The following FOXP2 variants were observed in gnomAD, a reference collection of about 807,000 sequenced individuals.
FOXP2 encodes the protein forkhead box protein P2.
FOXP2 carries 12 observed loss-of-function variants against 115.8 expected under a neutral mutation model. The ratio of observed to expected loss-of-function variants is 0.10; its 90% CI spans 0.07 to 0.17. The LOEUF is 0.17. FOXP2 is among the 10% of genes least tolerant of loss of function. The probability of loss-of-function intolerance (pLI) is 1.00; values close to 1 mark genes in which losing one functional copy is unlikely to be tolerated. For synonymous variants in FOXP2, 328 were observed against 297.7 expected (o/e 1.10, Z -1.05); for missense variants, 629 against 843.5 (o/e 0.75, Z 3.15).
chr7:114,232,813 C>CAAA (rs35497556), intron 1 of FOXP2, among the ~76,000 whole-genome samples: 1 of 120,086 alleles, frequency 8.3e-6, no homozygotes, highest in Non-Finnish European at 1.8e-5. Context: ...AACTCCGTCT[C>CAAA]AAAAAAAAAA....
At chr7:114,176,294 TTCTTTCTC>T (rs1368415470) in intron 1 of FOXP2, among the ~76,000 whole-genome samples, 565 of 49,408 alleles carry the variant, frequency 0.011, 5 homozygotes, top group Admixed American at 0.018. Context: ...CTTTCTTTCT[TTCTTTCTC>T]TCTCTCTCTC....
At chr7:114,179,467 T>A (rs1377728593) in intron 1 of FOXP2, among the ~76,000 whole-genome samples, 2 of 152,004 alleles carry the variant, frequency 1.3e-5, no homozygotes, top group African/African-American at 4.8e-5. Flanking sequence ...TACTCCTACA[T>A]GCCTTGTTCA....
intron 1 of FOXP2, among the ~76,000 whole-genome samples, chr7:114,285,018 G>A (rs78386362): frequency 0.016 from 2,456 of 152,094 alleles, 32 homozygotes; most frequent in African/African-American, 0.03. Context: ...CAGATACTGC[G>A]GCCTACCAAA....
intron 16 of FOXP2, among the ~76,000 whole-genome samples, chr7:114,683,104 A>G (rs997589208): frequency 4.6e-5 from 7 of 152,216 alleles, no homozygotes; most frequent in African/African-American, 1.7e-4. Flanking sequence ...CAGCTTTTCC[A>G]GCTCTGATAT....
intron 2 of FOXP2, among the ~76,000 whole-genome samples, chr7:114,403,070 C>G (rs1356462574): frequency 6.6e-6 from 1 of 152,182 alleles, no homozygotes; most frequent in Non-Finnish European, 1.5e-5. Context: ...TTTCAAAATT[C>G]AGAATTCCTT....
In FOXP2 at chr7:114,521,658, C is replaced by T. The variant is rs187387610; in HGVS notation, c.169-12959C>T. On this transcript the variant is annotated intron_variant, in intron 2 of 16. Coordinates refer to ENST00000350908, the MANE Select transcript of FOXP2 (RefSeq NM_014491.4). ...AGACAGTGAGATAACACTTTTGTGACAACCAATAGTAATTTTTTGGATCTT... is the reference window on the plus strand; with the variant it reads ...AGACAGTGAGATAACACTTTTGTGATAACCAATAGTAATTTTTTGGATCTT... 4.6e-5 allele frequency among the ~76,000 whole-genome samples: 7 copies of T among 151,246 alleles called. No individual in the cohort carries two copies. The East Asian group carries it at 9.8e-4, about 21-fold the overall frequency.
At chr7:114,392,388 GAACAGTC>G (rs1455227868) in intron 2 of FOXP2, among the ~76,000 whole-genome samples, 1 of 152,160 alleles carries the variant, frequency 6.6e-6, no homozygotes, top group East Asian at 1.9e-4. Flanking sequence ...GTGTTGCCAA[GAACAGTC>G]GTTCATTCCT....
In FOXP2 at chr7:114,285,554, T is replaced by A. The variant is rs527514240; in HGVS notation, c.-101-2465T>A. On this transcript the variant is annotated intron_variant, in intron 1 of 17. Coordinates refer to the FOXP2 transcript ENST00000634411. The stretch of plus-strand genomic sequence containing the variant: ...GAGAGCATAAAGAACATAGACATGT[T>A]AGGTCTTCCAAATTGTTTTGAAGAA... 4 of 152,218 alleles carry A rather than the reference T, an allele frequency of 2.6e-5. No individual in the cohort carries two copies. In the South Asian group the frequency reaches 8.3e-4, roughly 32 times the overall value. 9.4% of individuals were successfully genotyped at this position (152,218 alleles called of 1,614,324 possible). A position where few individuals can be genotyped will look rare whatever the true frequency, so the allele number is the denominator to read the frequency against.
At chr7:114,429,015 T>C (rs185649858) in intron 2 of FOXP2, among the ~76,000 whole-genome samples, 23 of 151,702 alleles carry the variant, frequency 1.5e-4, no homozygotes. Flanking sequence ...GGCAGTGATG[T>C]AAACAAAGTA....
Position 114,111,153 on chromosome 7 carries a change from C to G in FOXP2, c.-247+23315C>G, listed in dbSNP as rs1791258646. Among the ~76,000 whole-genome samples, 4 of 152,154 alleles carry G rather than the reference C, an allele frequency of 2.6e-5. No homozygotes were observed. In the South Asian group the frequency reaches 8.3e-4, roughly 31 times the overall value. ...TCACACCTCCCAGTATCCAGGTTCT[C>G]ATGAAGTCCCCTCCCATAGTTATTC... On this transcript the variant is annotated intron_variant, in intron 1 of 19. Coordinates refer to the FOXP2 transcript ENST00000635638.
At chr7:114,299,105 CA>C (rs1354024695) in intron 2 of FOXP2, among the ~76,000 whole-genome samples, 1 of 151,768 alleles carries the variant, frequency 6.6e-6, no homozygotes, top group East Asian at 1.9e-4. Flanking sequence ...ATAATTATAA[CA>C]AAAATATACT....
intron 1 of FOXP2, among the ~76,000 whole-genome samples, chr7:114,272,305 T>A (rs1796084027): frequency 6.6e-6 from 1 of 151,528 alleles, no homozygotes; most frequent in African/African-American, 2.4e-5. Flanking sequence ...TGAAGATTTT[T>A]GCAATTTGTG....
At chr7:114,291,841 A>T (rs959041385) in intron 2 of FOXP2, among the ~76,000 whole-genome samples, 6 of 142,758 alleles carry the variant, frequency 4.2e-5, no homozygotes, top group East Asian at 3.9e-4. Flanking sequence ...ATAATGTTTT[A>T]TATATATATA....
At chr7:114,681,941 A>G (rs1808104899) in intron 16 of FOXP2, among the ~76,000 whole-genome samples, 1 of 152,184 alleles carries the variant, frequency 6.6e-6, no homozygotes, top group African/African-American at 2.4e-5. Flanking sequence ...ATGTTAAAAA[A>G]TTAATTTCTG....
At chr7:114,545,098 C>G (rs1289626416) in intron 3 of FOXP2, among the ~76,000 whole-genome samples, 1 of 152,166 alleles carries the variant, frequency 6.6e-6, no homozygotes, top group African/African-American at 2.4e-5. Context: ...GCTTACAATA[C>G]AGCTGGCCTA....
intron 1 of FOXP2, among the ~76,000 whole-genome samples, chr7:114,422,347 T>C (rs891891391): frequency 2.0e-5 from 3 of 151,612 alleles, no homozygotes; most frequent in African/African-American, 7.3e-5. Flanking sequence ...TTTTTTTTCA[T>C]CCATTTGTTT....
At chr7:114,615,126 G>A (rs1803862331) in intron 3 of FOXP2, among the ~76,000 whole-genome samples, 1 of 152,126 alleles carries the variant, frequency 6.6e-6, no homozygotes, top group African/African-American at 2.4e-5. Flanking sequence ...GGCTGAGTCA[G>A]GAAAATCATT....
chr7:114,534,515 T>A lies in FOXP2; in HGVS notation c.169-102T>A, dbSNP rs1584863403. On this transcript the variant is annotated intron_variant, in intron 2 of 16. Coordinates refer to ENST00000350908, the MANE Select transcript of FOXP2 (RefSeq NM_014491.4). ...CAATGATTCTCTCTAGAAAGGAATA[T>A]GGGAGTTCTTGTACATTGAAGCCTT... 7.5e-6 allele frequency: 7 copies of A among 931,498 alleles called. No homozygotes were observed. In the East Asian group the frequency reaches 9.6e-5, roughly 13 times the overall value. The allele number at this position is 931,498 out of a possible 1,614,324, so 57.7% of individuals were successfully genotyped here.
rs546495336 is a variant in FOXP2 at position 114,350,541 on chromosome 7, C to T, written c.-11+62432C>T. Among the ~76,000 whole-genome samples, 14 of 152,250 alleles carry T rather than the reference C, an allele frequency of 9.2e-5. No individual in the cohort carries two copies. The South Asian group carries it at 2.9e-3, about 32-fold the overall frequency. ...ACTGCTAACATCACTTACAATGAAA[C>T]TAGCATGATCCCTTGATTGATTAAT... On this transcript the variant is annotated intron_variant, in intron 2 of 17. Coordinates refer to the FOXP2 transcript ENST00000634411.
Sources: allele counts gnomAD v4.1 joint callset (sites outside exome capture counted in the v4.1 genomes callset), GRCh38; gene constraint gnomAD v4.1.1; transcripts MANE v1.5; gene names NCBI Gene and HGNC (gene_info 2026-07-23, HGNC 2026-07-21).